The following DIAPH2 variants were observed in gnomAD, a reference collection of about 807,000 sequenced individuals.
The protein encoded by DIAPH2 is protein diaphanous homolog 2.
A neutral mutation model predicts 92.7 loss-of-function variants in DIAPH2; 35 were observed. The observed-to-expected ratio is 0.38, with a 90% confidence interval of 0.29 to 0.50. DIAPH2 has a LOEUF of 0.50. Among genes scored for constraint, DIAPH2 ranks in the 20% least tolerant of loss-of-function variants. The probability of loss-of-function intolerance (pLI) is 0.94; values close to 1 mark genes in which losing one functional copy is unlikely to be tolerated. For missense variants in DIAPH2, 701 were observed against 819.5 expected (o/e 0.86, Z 1.77); for synonymous variants, 301 against 280.4 (o/e 1.07, Z -0.73).
chrX:97,087,435 A>G (rs1348872397), intron 19 of DIAPH2, among the ~76,000 whole-genome samples: 1 of 111,707 alleles, frequency 9.0e-6, no homozygotes, highest in African/African-American at 3.3e-5. Flanking sequence ...TGCTATGACT[A>G]ATTGCTACAT....
chrX:96,901,382 A>G (rs774960348), intron 5 of DIAPH2, among the ~76,000 whole-genome samples: 2 of 107,431 alleles, frequency 1.9e-5, no homozygotes, highest in East Asian at 2.9e-4. Context: ...CTAATAGTCT[A>G]TCAATTTTAT....
intron 20 of DIAPH2, among the ~76,000 whole-genome samples, chrX:97,104,611 C>T (rs2066926876): frequency 9.1e-6 from 1 of 110,299 alleles, no homozygotes; most frequent in Non-Finnish European, 1.9e-5. Flanking sequence ...GAACTCCTGG[C>T]CTCTAGCAAT....
intron 17 of DIAPH2, among the ~76,000 whole-genome samples, chrX:97,020,174 T>C (rs1240444000): frequency 8.9e-6 from 1 of 112,584 alleles, no homozygotes; most frequent in Non-Finnish European, 1.9e-5. Context: ...GGATGGTTAA[T>C]GTCATTGTTT....
At chrX:96,947,115 C>T (rs758099431) in intron 14 of DIAPH2, among the ~76,000 whole-genome samples, 4 of 111,697 alleles carry the variant, frequency 3.6e-5, no homozygotes, top group African/African-American at 9.7e-5. Flanking sequence ...ATAAAATTAG[C>T]GGACTTGTAA....
rs2071577952 is a variant in DIAPH2 at position 97,599,408 on chromosome X, G to A, written c.*91G>A. 1.7e-6 allele frequency: 1 copy of A among 585,109 alleles called. No homozygotes were observed. The highest frequency in any genetic ancestry group is 2.8e-5 in the South Asian group (1 of 35,809). 48.2% of individuals were successfully genotyped at this position (585,109 alleles called of 1,213,427 possible). On this transcript the variant is annotated 3_prime_UTR_variant, in exon 27 of 27. Transcript: ENST00000324765. ...AAGTGTGCACTCAGCGGCTGGAAAG[G>A]AAATAAGTGCATTTCTGCAAAGATC...
chrX:96,757,141 T>C (rs192194055), intron 3 of DIAPH2, among the ~76,000 whole-genome samples: 5,767 of 109,802 alleles, frequency 0.053, 167 homozygotes, highest in Non-Finnish European at 0.081. Flanking sequence ...ATGGTCTCGA[T>C]CTCCTGACCT....
At chrX:96,746,141 T>A in intron 3 of DIAPH2, among the ~76,000 whole-genome samples, 1 of 111,659 alleles carries the variant, frequency 9.0e-6, no homozygotes, top group Admixed American at 9.5e-5. Flanking sequence ...GCTCAAGACA[T>A]CCTCCTGCCT....
chrX:97,430,005 T>A (rs1303259073), intron 26 of DIAPH2, among the ~76,000 whole-genome samples: 3 of 111,682 alleles, frequency 2.7e-5, no homozygotes, highest in Admixed American at 9.6e-5. Context: ...ATATTAAATA[T>A]TTTAATTGTT....
intron 1 of DIAPH2, among the ~76,000 whole-genome samples, chrX:96,696,257 G>T (rs1444312769): frequency 2.7e-5 from 3 of 111,056 alleles, no homozygotes; most frequent in African/African-American, 9.9e-5. Flanking sequence ...TAAAAGAAAA[G>T]AAAAATTTTA....
chrX:96,840,643 C>G (rs1602555915), intron 4 of DIAPH2, among the ~76,000 whole-genome samples: 1 of 110,705 alleles, frequency 9.0e-6, no homozygotes, highest in African/African-American at 3.3e-5. Context: ...GAGTCTGGCT[C>G]TGTCGCCCAG....
intron 23 of DIAPH2, among the ~76,000 whole-genome samples, chrX:97,333,831 C>A (rs888624626): frequency 1.4e-4 from 16 of 110,491 alleles, no homozygotes; most frequent in Non-Finnish European, 2.8e-4. Context: ...TCCCAAAGTG[C>A]TGGGATTACA....
intron 16 of DIAPH2, 34 bp from the exon 17 acceptor site, chrX:96,965,059 A>G: frequency 8.7e-7 from 1 of 1,152,138 alleles, no homozygotes; most frequent in Non-Finnish European, 1.2e-6. Flanking sequence ...TGAGGTTATA[A>G]TTTAGAATCT....
intron 22 of DIAPH2, among the ~76,000 whole-genome samples, chrX:97,185,351 ATGTG>A (rs376783924): frequency 0.14 from 278 of 2,036 alleles, 41 homozygotes; most frequent in African/African-American, 0.29. Context: ...GTATATATAT[ATGTG>A]TGTATATATA....
At chrX:97,262,854 A>G (rs1469145625) in intron 23 of DIAPH2, among the ~76,000 whole-genome samples, 1 of 111,960 alleles carries the variant, frequency 8.9e-6, no homozygotes, top group Non-Finnish European at 1.9e-5. Context: ...GAGTACTCCA[A>G]CGTTTAAAAG....
At position 97,330,708 on chromosome X, in the gene DIAPH2, T is replaced by A. The variant is rs1431546711; in HGVS notation, c.2845-17408T>A. On this transcript the variant is annotated intron_variant, in intron 23 of 26. Coordinates refer to ENST00000324765, the MANE Select transcript of DIAPH2 (RefSeq NM_006729.5). ...TCGTATTTTTAGTAGAGATGGGGTC[T>A]CACCATGTTGGTCAGGATGGTCTTG... Among the ~76,000 whole-genome samples the A allele has an allele frequency of 1.4e-4, 16 of 110,828 alleles. No homozygotes were observed. In the Admixed American group the frequency reaches 1.6e-3, roughly 11 times the overall value.
chrX:97,423,703 G>C (rs1367254832), intron 25 of DIAPH2, among the ~76,000 whole-genome samples: 1 of 111,712 alleles, frequency 9.0e-6, no homozygotes, highest in Non-Finnish European at 1.9e-5. Flanking sequence ...TGCTTCTAAA[G>C]TGTTACCTCT....
At chrX:96,975,996 C>A (rs1175931972) in intron 17 of DIAPH2, among the ~76,000 whole-genome samples, 2 of 104,836 alleles carry the variant, frequency 1.9e-5, no homozygotes, top group Non-Finnish European at 3.9e-5. Flanking sequence ...TCCCTCCCTC[C>A]TTCCCTCTCT....
At chrX:97,239,187 A>T (rs2068072279) in intron 22 of DIAPH2, among the ~76,000 whole-genome samples, 1 of 111,764 alleles carries the variant, frequency 8.9e-6, no homozygotes, top group African/African-American at 3.2e-5. Flanking sequence ...TCTTGCATGC[A>T]TATCTGTTCT....
At chrX:97,290,181 T>G (rs1022685242) in intron 23 of DIAPH2, among the ~76,000 whole-genome samples, 4 of 110,065 alleles carry the variant, frequency 3.6e-5, no homozygotes, top group Non-Finnish European at 7.6e-5. Context: ...TGCAATAGAA[T>G]TCTGGAAGTA....
Sources: allele counts gnomAD v4.1 joint callset (sites outside exome capture counted in the v4.1 genomes callset), GRCh38; gene constraint gnomAD v4.1.1; transcripts MANE v1.5; gene names NCBI Gene and HGNC (gene_info 2026-07-23, HGNC 2026-07-21).